Variants in CLOCK observed in about 807,000 individuals in gnomAD.
CLOCK encodes the protein clock circadian regulator.
Under a neutral mutation model 118.4 loss-of-function variants are expected in CLOCK, and 43 were observed. The observed-to-expected ratio is 0.36, with a 90% CI of 0.28 to 0.47. The LOEUF is 0.47. Ranked by LOEUF, CLOCK falls within the 20% of genes least tolerant of loss-of-function variation. The probability of loss-of-function intolerance (pLI) is 1.00; values close to 1 mark genes in which losing one functional copy is unlikely to be tolerated. For synonymous variants in CLOCK, 326 were observed against 339.2 expected, an observed-to-expected ratio of 0.96 and a Z score of 0.43; for missense variants, 846 against 999.9, an observed-to-expected ratio of 0.85 and a Z score of 2.08.
At position 55,475,178 on chromosome 4, in the gene CLOCK, A is replaced by G. The variant is rs1167684709; in HGVS notation, c.348+785T>C. Among the ~76,000 whole-genome samples the G allele has an allele frequency of 5.9e-5, 9 of 152,194 alleles. No homozygotes were observed. The East Asian group carries it at 1.5e-3, about 26-fold the overall frequency. ...TTAAGAAGAAGTTGATTACTTGTGG[A>G]TAACTTTGAGGGGTTCAAGATGTCA... On this transcript the variant is annotated intron_variant, in intron 7 of 22. Transcript: ENST00000513440.
intron 2 of CLOCK, among the ~76,000 whole-genome samples, chr4:55,493,380 G>C (rs994407789): frequency 1.3e-5 from 2 of 152,102 alleles, no homozygotes; most frequent in Non-Finnish European, 2.9e-5. Context: ...GATACCACAG[G>C]TATTTCGGGA....
At chr4:55,532,915 A>AG (rs1245999855) in intron 1 of CLOCK, among the ~76,000 whole-genome samples, 1 of 152,156 alleles carries the variant, frequency 6.6e-6, no homozygotes, top group Non-Finnish European at 1.5e-5. Context: ...TTAACCAAGG[A>AG]GATAAAAGAC....
chr4:55,521,121 GTTTC>G (rs1430217577), intron 1 of CLOCK, among the ~76,000 whole-genome samples: 1 of 152,278 alleles, frequency 6.6e-6, no homozygotes, highest in African/African-American at 2.4e-5. Context: ...TGGTAAAATG[GTTTC>G]TTTCTCAAAT....
At chr4:55,491,124 G>A (rs1376862247) in intron 2 of CLOCK, among the ~76,000 whole-genome samples, 1 of 147,434 alleles carries the variant, frequency 6.8e-6, no homozygotes. Flanking sequence ...TGAGACAAAC[G>A]AAAACACAAC....
chr4:55,479,761 G>T, intron 4 of CLOCK, 62 bp from the exon 5 acceptor site: 1 of 1,306,400 alleles, frequency 7.7e-7, no homozygotes, highest in Non-Finnish European at 1.1e-6. Context: ...ATACTAAAGT[G>T]ACATGTAAAT....
chr4:55,446,946 T>C (rs959568208), intron 18 of CLOCK, among the ~76,000 whole-genome samples: 21 of 152,296 alleles, frequency 1.4e-4, no homozygotes, highest in Middle Eastern at 3.4e-3. Context: ...GCACACAACT[T>C]TGATTTCAGA....
intron 11 of CLOCK, among the ~76,000 whole-genome samples, chr4:55,458,099 C>CA (rs1725039244): frequency 6.6e-6 from 1 of 152,118 alleles, no homozygotes; most frequent in Non-Finnish European, 1.5e-5. Context: ...GAGACAGAGT[C>CA]AGACTCTGTC....
intron 9 of CLOCK, among the ~76,000 whole-genome samples, chr4:55,462,296 C>CT (rs1413731339): frequency 2.0e-5 from 3 of 151,842 alleles, no homozygotes; most frequent in East Asian, 1.9e-4. Flanking sequence ...ACCTTTCTTT[C>CT]TTTTTTTTGA....
intron 21 of CLOCK, chr4:55,442,230 A>G (rs1254532056): frequency 5.2e-6 from 3 of 574,176 alleles, no homozygotes; most frequent in African/African-American, 1.9e-5. Flanking sequence ...TTGGACAAGA[A>G]AAAAAATTTG....
chr4:55,445,688 T>C (rs560372278), intron 18 of CLOCK, among the ~76,000 whole-genome samples: 4 of 148,094 alleles, frequency 2.7e-5, no homozygotes, highest in Non-Finnish European at 5.9e-5. Flanking sequence ...CTTTCTGGGT[T>C]CAAGAGCTCC....
chr4:55,508,884 A>G (rs1053415976), intron 2 of CLOCK, among the ~76,000 whole-genome samples: 3 of 152,138 alleles, frequency 2.0e-5, no homozygotes, highest in Non-Finnish European at 4.4e-5. Context: ...AACTACAGAC[A>G]TATGTCGTGG....
At chr4:55,506,057 T>C (rs1728777407) in intron 2 of CLOCK, among the ~76,000 whole-genome samples, 3 of 152,154 alleles carry the variant, frequency 2.0e-5, no homozygotes, top group Non-Finnish European at 4.4e-5. Flanking sequence ...ATGTAATGCC[T>C]ATTTTCTCTC....
chr4:55,515,121 C>T (rs756356118), intron 1 of CLOCK, among the ~76,000 whole-genome samples: 11 of 152,136 alleles, frequency 7.2e-5, no homozygotes, highest in Non-Finnish European at 1.3e-4. Flanking sequence ...AGATTGCGTC[C>T]TTCAAGGAAT....
At chr4:55,461,068 G>A (rs887785698) in intron 9 of CLOCK, among the ~76,000 whole-genome samples, 1 of 151,838 alleles carries the variant, frequency 6.6e-6, no homozygotes, top group African/African-American at 2.4e-5. Context: ...CTACAGACAT[G>A]TGCCACCACA....
chr4:55,482,026 AAG>A (rs1397621381), intron 4 of CLOCK, among the ~76,000 whole-genome samples: 2 of 152,222 alleles, frequency 1.3e-5, no homozygotes, highest in African/African-American at 2.4e-5. Context: ...GAAAGAAAAA[AAG>A]AGTGCTACCA....
At chr4:55,478,437 C>G (rs1726688494) in intron 6 of CLOCK, among the ~76,000 whole-genome samples, 1 of 152,090 alleles carries the variant, frequency 6.6e-6, no homozygotes, top group Non-Finnish European at 1.5e-5. Context: ...GACATGCTGT[C>G]TTCCTTAATC....
At chr4:55,540,640 T>C (rs1330634574) in intron 1 of CLOCK, 1 of 152,294 alleles carries the variant, frequency 6.6e-6, no homozygotes, top group East Asian at 1.9e-4. Context: ...GCTGCTCGTA[T>C]ACCCTTGACC....
chr4:55,446,769 G>GATAC (rs1273287978), intron 18 of CLOCK, among the ~76,000 whole-genome samples: 7 of 152,100 alleles, frequency 4.6e-5, no homozygotes, highest in Non-Finnish European at 1.0e-4. Flanking sequence ...TTCAGTATAT[G>GATAC]ATACAGTATA....
intron 1 of CLOCK, among the ~76,000 whole-genome samples, chr4:55,542,366 A>ATT (rs1367651310): frequency 1.8e-3 from 74 of 42,200 alleles, no homozygotes; most frequent in South Asian, 0.01. Flanking sequence ...TAATAATAAT[A>ATT]ATAATAATAA....
Sources: allele counts gnomAD v4.1 joint callset (sites outside exome capture counted in the v4.1 genomes callset), GRCh38; gene constraint gnomAD v4.1.1; transcripts MANE v1.5; gene names NCBI Gene and HGNC (gene_info 2026-07-23, HGNC 2026-07-21).